The following SDK1 variants were observed in gnomAD, a reference collection of about 807,000 sequenced individuals.
SDK1 encodes protein sidekick-1.
A neutral mutation model predicts 245.5 loss-of-function variants in SDK1; 157 were observed. That is an observed-to-expected ratio of 0.64 (90% CI 0.56 to 0.73). The LOEUF (loss-of-function observed/expected upper bound fraction) is 0.73, where lower values mean the gene tolerates loss of function less well. Among genes scored for constraint, SDK1 ranks in the 30% least tolerant of loss-of-function variants. The pLI is 0.00. For synonymous variants in SDK1, 1,647 were observed against 1,278.5 expected, an observed-to-expected ratio of 1.29 and a Z score of -6.15; for missense variants, 3,583 against 3,002.3, an observed-to-expected ratio of 1.19 and a Z score of -4.52.
In SDK1 at chr7:4,149,452, C is replaced by T. The variant is rs756039498; in HGVS notation, c.4614C>T (p.Cys1538=). 4.3e-5 allele frequency: 65 copies of T among 1,514,778 alleles called. 1 individual carries two copies. Among genetic ancestry groups the T allele is most frequent in the African/African-American group, 8.5e-5 (6 of 70,928 alleles). The allele number at this position is 1,514,778 out of a possible 1,614,324, so 93.8% of individuals were successfully genotyped here. A position where few individuals can be genotyped will look rare whatever the true frequency, so the allele number is the denominator to read the frequency against. ...CCATCAGCCATGAGGCGACAGCATG[C>T]GTCGTTGACAGGTACTGAGAGAGCA... ...SSSISHEATA[C]VVDRLRPFTS... Residue 1538 remains cysteine, a synonymous_variant, in exon 30 of 45, where the codon TGC becomes TGT. Transcript: ENST00000404826.
At chr7:3,865,149 C>T (rs548259653) in intron 5 of SDK1, among the ~76,000 whole-genome samples, 37 of 152,220 alleles carry the variant, frequency 2.4e-4, no homozygotes, top group Non-Finnish European at 4.1e-4. Context: ...AAGTGATGAA[C>T]GTCCACAGAG....
rs566933738 is a variant in SDK1, at chr7:4,221,589, G to T, written c.5827+225G>T. ...ACCTTAAGGGCATACGCTTTGGGAT[G>T]TTTTAGCCCCAGGACACTTACTTAG... On this transcript the variant is annotated intron_variant, in intron 40 of 44. Coordinates refer to ENST00000404826, the MANE Select transcript of SDK1 (RefSeq NM_152744.4). Among the ~76,000 whole-genome samples, 50 of 152,316 alleles carry T rather than the reference G, an allele frequency of 3.3e-4. No homozygotes were observed. In the South Asian group the frequency reaches 9.9e-3, roughly 30 times the overall value.
intron 22 of SDK1, among the ~76,000 whole-genome samples, chr7:4,089,132 C>T (rs540889511): frequency 1.4e-5 from 2 of 146,374 alleles, no homozygotes; most frequent in East Asian, 2.0e-4. Context: ...CTCCCTCAGG[C>T]GGAGGTGAGA....
At chr7:3,314,893 A>G (rs944855372) in intron 1 of SDK1, among the ~76,000 whole-genome samples, 1 of 141,248 alleles carries the variant, frequency 7.1e-6, no homozygotes, top group Non-Finnish European at 1.6e-5. Context: ...ATTGGCAACA[A>G]AAACTTTTTT....
chr7:3,416,752 C>G (rs1480601507), intron 1 of SDK1, among the ~76,000 whole-genome samples: 1 of 152,128 alleles, frequency 6.6e-6, no homozygotes, highest in Non-Finnish European at 1.5e-5. Flanking sequence ...TACCAGAAGC[C>G]TCTGGGGTTG....
chr7:3,896,681 G>A (rs748031906), intron 5 of SDK1, among the ~76,000 whole-genome samples: 29 of 152,144 alleles, frequency 1.9e-4, no homozygotes, highest in Non-Finnish European at 3.1e-4. Context: ...CCGTGCTGCC[G>A]GTGGTCCAGT....
intron 4 of SDK1, among the ~76,000 whole-genome samples, chr7:3,766,005 A>C: frequency 6.6e-6 from 1 of 152,310 alleles, no homozygotes; most frequent in East Asian, 1.9e-4. Context: ...CAAAGAATTG[A>C]TCACTTGCTT....
At chr7:3,399,876 C>T (rs995086314) in intron 1 of SDK1, among the ~76,000 whole-genome samples, 1 of 152,134 alleles carries the variant, frequency 6.6e-6, no homozygotes, top group Non-Finnish European at 1.5e-5. Flanking sequence ...AAATTTTTGG[C>T]TGGACTCTTG....
intron 25 of SDK1, among the ~76,000 whole-genome samples, chr7:4,115,784 AGACAGTCCCC>A (rs1783667610): frequency 6.6e-6 from 1 of 152,240 alleles, no homozygotes; most frequent in Non-Finnish European, 1.5e-5. Flanking sequence ...CCGTGCAAAG[AGACAGTCCCC>A]CTGTTGTTGT....
chr7:3,938,230 T>C (rs544343544), intron 5 of SDK1, among the ~76,000 whole-genome samples: 1 of 152,288 alleles, frequency 6.6e-6, no homozygotes, highest in African/African-American at 2.4e-5. Flanking sequence ...GTGGACCTAA[T>C]CTTGAGACAA....
chr7:3,964,606 C>T (rs965180837), intron 9 of SDK1, among the ~76,000 whole-genome samples: 1 of 152,172 alleles, frequency 6.6e-6, no homozygotes, highest in Non-Finnish European at 1.5e-5. Context: ...TTCATTGTTT[C>T]TGTGGGTTTT....
At chr7:3,654,866 G>T (rs958332765) in intron 4 of SDK1, among the ~76,000 whole-genome samples, 16 of 152,094 alleles carry the variant, frequency 1.1e-4, no homozygotes, top group African/African-American at 3.9e-4. Context: ...CATATCTTGT[G>T]ACAATAATGC....
At chr7:4,263,151 C>T (rs1321976311) in intron 44 of SDK1, among the ~76,000 whole-genome samples, 1 of 5,258 alleles carries the variant, frequency 1.9e-4, no homozygotes, top group African/African-American at 1.1e-3. Context: ...TACCTCATCA[C>T]CCCCCCACCC....
At chr7:3,709,880 G>T (rs978929322) in intron 4 of SDK1, among the ~76,000 whole-genome samples, 8 of 152,198 alleles carry the variant, frequency 5.3e-5, no homozygotes, top group Admixed American at 2.6e-4. Flanking sequence ...CCACACAGGG[G>T]TCCTGGCCCC....
chr7:4,015,141 A>G (rs7793935), intron 16 of SDK1, among the ~76,000 whole-genome samples: 15,659 of 152,176 alleles, frequency 0.1, 869 homozygotes, highest in South Asian at 0.15. Flanking sequence ...TGACTCTTGC[A>G]ACAAGAATGG....
intron 1 of SDK1, among the ~76,000 whole-genome samples, chr7:3,479,877 T>A (rs570417270): frequency 2.0e-3 from 263 of 132,260 alleles, no homozygotes; most frequent in African/African-American, 2.8e-3. Flanking sequence ...AAAAAAAAAA[T>A]TTTTTTTTTC....
At chr7:3,751,950 A>T (rs1562416973) in intron 4 of SDK1, among the ~76,000 whole-genome samples, 1 of 152,248 alleles carries the variant, frequency 6.6e-6, no homozygotes, top group Non-Finnish European at 1.5e-5. Context: ...AAGAGACGAA[A>T]GATAGTGTTT....
intron 17 of SDK1, among the ~76,000 whole-genome samples, chr7:4,046,128 G>A (rs1045166313): frequency 5.9e-5 from 9 of 151,410 alleles, no homozygotes; most frequent in South Asian, 2.1e-4. Context: ...TCTTTGTAGC[G>A]GTGGGGTCTC....
intron 1 of SDK1, among the ~76,000 whole-genome samples, chr7:3,328,531 C>A (rs1352374617): frequency 4.6e-5 from 7 of 151,970 alleles, no homozygotes; most frequent in Non-Finnish European, 7.4e-5. Flanking sequence ...TATAAAAAAA[C>A]TTGGTTAAAA....
Sources: allele counts gnomAD v4.1 joint callset (sites outside exome capture counted in the v4.1 genomes callset), GRCh38; gene constraint gnomAD v4.1.1; transcripts MANE v1.5; gene names NCBI Gene and HGNC (gene_info 2026-07-23, HGNC 2026-07-21).